KIF26A: variants seen among roughly 807,000 people sequenced by gnomAD.
KIF26A encodes the protein kinesin-like protein KIF26A.
A neutral mutation model predicts 126.0 loss-of-function variants in KIF26A; 74 were observed. That is an observed-to-expected ratio of 0.59 (90% CI 0.49 to 0.71). KIF26A has a LOEUF of 0.71. KIF26A is among the 30% of genes least tolerant of loss of function. The pLI is 0.00. For missense variants in KIF26A, 2,984 were observed against 2,763.3 expected (o/e 1.08, Z -1.79); for synonymous variants, 1,445 against 1,232.7 (o/e 1.17, Z -3.61).
Position 104,175,234 on chromosome 14 carries a change from C to G in KIF26A, c.2446C>G (p.Pro816Ala). The G allele has an allele frequency of 1.2e-6, 2 of 1,609,142 alleles. No individual in the cohort carries two copies. The highest frequency in any genetic ancestry group is 1.7e-6 in the Non-Finnish European group (2 of 1,179,552). ...CAACGAAGGTCCGCCTGACTTCGTG[C>G]CCATCATCCCTGCCCTGAGCCGCCA... ...TDNEGPPDFV[P>A]IIPALSRHRP... Residue 816 changes from proline (P) to alanine (A), a missense_variant, in exon 12 of 15, where the codon CCC becomes GCC. Coordinates refer to ENST00000423312, the MANE Select transcript of KIF26A (RefSeq NM_015656.2).
rs774205504 is a variant in KIF26A, at chr14:104,173,432, G to A, written c.1786G>A (p.Glu596Lys). ...ARSTSRAGCG[E>K]DARRSSHMLF... ...CAGCACCAGCCGAGCGGGCTGTGGC[G>A]AGGACGCCCGACGCAGCTCCCACAT... The change falls in exon 9 of 15, where the codon GAG (glutamate) becomes AAG (lysine). Residue 596 changes from glutamate (E) to lysine (K), a missense_variant. Glu to Lys is a moderately conservative substitution (Grantham distance 56, BLOSUM62 1). Transcript: ENST00000423312. The A allele has an allele frequency of 1.0e-5, 16 of 1,585,306 alleles. No homozygotes were observed. The highest frequency in any genetic ancestry group is 6.7e-5 in the African/African-American group (5 of 74,220).
chr14:104,165,739 A>C (rs1463687218), intron 4 of KIF26A, among the ~76,000 whole-genome samples: 1 of 143,644 alleles, frequency 7.0e-6, no homozygotes, highest in African/African-American at 2.6e-5. Context: ...TTCTGTATGC[A>C]TATGTGTGTC....
rs189310645 is a variant in KIF26A, at chr14:104,144,621, C to T, written c.288+5333C>T. Among the ~76,000 whole-genome samples the T allele has an allele frequency of 1.4e-3, 210 of 152,352 alleles. 1 individual carries two copies. The highest frequency in any genetic ancestry group is 6.8e-3 in the Middle Eastern group (2 of 294). ...AAGTAACAAAGAAAGTCTAGTTCTTCTCTTCCTTTGCCTGCTAGGAAGCTC... is the reference window on the plus strand; with the variant it reads ...AAGTAACAAAGAAAGTCTAGTTCTTTTCTTCCTTTGCCTGCTAGGAAGCTC... On this transcript the variant is annotated intron_variant, in intron 2 of 14. Coordinates refer to ENST00000423312, the MANE Select transcript of KIF26A (RefSeq NM_015656.2).
Position 104,167,060 on chromosome 14 carries a change from C to T in KIF26A, c.1113+12C>T, listed in dbSNP as rs1346937711. 2.0e-6 allele frequency: 3 copies of T among 1,520,272 alleles called. No individual in the cohort carries two copies. The highest frequency in any genetic ancestry group is 2.7e-6 in the Non-Finnish European group (3 of 1,131,620). The allele number at this position is 1,520,272 out of a possible 1,614,324, so 94.2% of individuals were successfully genotyped here. On this transcript the variant is annotated intron_variant, in intron 5 of 14. Transcript: ENST00000423312. ...GCAGCATCGGGAAGGTAGACGCAGC[C>T]CCGAGTTCGGGGCCCTGGGTGGGGA...
intron 2 of KIF26A, among the ~76,000 whole-genome samples, chr14:104,141,383 AG>A (rs1566853070): frequency 6.6e-6 from 1 of 152,224 alleles, no homozygotes; most frequent in East Asian, 1.9e-4. Context: ...AGCTGTTTAC[AG>A]GGAACTTCAC....
At position 104,152,694 on chromosome 14, in the gene KIF26A, C is replaced by A. The variant is rs1044518166; in HGVS notation, c.735+233C>A. ...ACTCAGGGAATACCTTCTCTGGGAG[C>A]ACGTGCCCCTCCCTGTCTGTCTTTT... On this transcript the variant is annotated intron_variant, in intron 3 of 14. Coordinates refer to ENST00000423312, the MANE Select transcript of KIF26A (RefSeq NM_015656.2). This position sits in a 1 kb window ranked among gnomAD's most constrained non-coding sequence, Gnocchi z 5.9. Among the ~76,000 whole-genome samples the A allele has an allele frequency of 1.3e-5, 2 of 152,226 alleles. No homozygotes were observed. Among genetic ancestry groups the A allele is most frequent in the East Asian group, 3.8e-4 (2 of 5,202 alleles).
chr14:104,176,396 C>T lies in KIF26A; in HGVS notation c.3608C>T (p.Ala1203Val). The T allele has an allele frequency of 6.3e-7, 1 of 1,590,298 alleles. No individual in the cohort carries two copies. Among genetic ancestry groups the T allele is most frequent in the Non-Finnish European group, 8.6e-7 (1 of 1,165,570 alleles). The change falls in exon 12 of 15, where the codon GCC becomes GTC. Residue 1203 changes from alanine to valine, a missense_variant. Ala to Val is a moderately conservative substitution (Grantham distance 64). Coordinates refer to ENST00000423312, the MANE Select transcript of KIF26A (RefSeq NM_015656.2). Reference protein sequence around the residue: ...QAGPSRWASAAQTIHSSLPRK... With the variant: ...QAGPSRWASAVQTIHSSLPRK... Reference sequence around the variant, plus strand: ...GGGCCCTCGCGGTGGGCATCCGCAGCCCAGACCATCCACTCCAGCCTCCCC... The same window carrying T: ...GGGCCCTCGCGGTGGGCATCCGCAGTCCAGACCATCCACTCCAGCCTCCCC...
Position 104,171,717 on chromosome 14 carries a change from C to T in KIF26A, c.1114-6C>T. 1.9e-6 allele frequency: 3 copies of T among 1,560,158 alleles called. No individual in the cohort carries two copies. Reference sequence around the variant, plus strand: ...GCTTCTCAGGTGCCGCCCACCTCTGCCCCAGGTGAAGGTTATGCTGCGGAT... The same window carrying T: ...GCTTCTCAGGTGCCGCCCACCTCTGTCCCAGGTGAAGGTTATGCTGCGGAT... On this transcript the variant is annotated splice_polypyrimidine_tract_variant and splice_region_variant and intron_variant, in intron 5 of 14. Coordinates refer to ENST00000423312, the MANE Select transcript of KIF26A (RefSeq NM_015656.2).
Position 104,173,453 on chromosome 14 carries a change from C to A in KIF26A, c.1807C>A (p.His603Asn). Residue 603 changes from histidine (H) to asparagine (N), a missense_variant, in exon 9 of 15, where the codon CAC (histidine) becomes AAC (asparagine). Physicochemically the swap from His to Asn is moderately conservative, Grantham distance 68. Coordinates refer to ENST00000423312, the MANE Select transcript of KIF26A (RefSeq NM_015656.2). Reference protein sequence around the residue: ...GCGEDARRSSHMLFTLHVYQY... With the variant: ...GCGEDARRSSNMLFTLHVYQY... ...TGGCGAGGACGCCCGACGCAGCTCCCACATGTTGTTCACGCTGCACGTCTA... is the reference window on the plus strand; with the variant it reads ...TGGCGAGGACGCCCGACGCAGCTCCAACATGTTGTTCACGCTGCACGTCTA... 1 of 1,589,466 alleles carries A rather than the reference C, an allele frequency of 6.3e-7. No individual in the cohort carries two copies. The highest frequency in any genetic ancestry group is 2.3e-5 in the East Asian group (1 of 43,686).
In KIF26A at chr14:104,177,365, GC is replaced by G; in HGVS notation, c.4580del (p.Pro1527LeufsTer70). 1 of 1,484,120 alleles carries G rather than the reference GC, an allele frequency of 6.7e-7. No individual in the cohort carries two copies. 91.9% of individuals were successfully genotyped at this position (1,484,120 alleles called of 1,614,324 possible). A position where few individuals can be genotyped will look rare whatever the true frequency, so the allele number is the denominator to read the frequency against. On this transcript the variant is annotated frameshift_variant, in exon 12 of 15. Transcript: ENST00000423312. LOFTEE classifies it high-confidence loss of function. ...TCTACGGCCTCTGTGACGGGCAGGA[GC>G]CCTGGCGGCCCTGTGGCCGGTCCCA... is the stretch of plus-strand genomic sequence containing the variant. Reference protein sequence around the residue: ...KLSTASVTGRSPGGPVAGPRA... With the variant: ...KLSTASVTGRXPGGPVAGPRA...
chr14:104,139,824 C>A (rs1159439093), intron 2 of KIF26A, among the ~76,000 whole-genome samples: 1 of 152,232 alleles, frequency 6.6e-6, no homozygotes, highest in Non-Finnish European at 1.5e-5. Flanking sequence ...CCCATACCTC[C>A]TGGGATAGAC....
At position 104,141,120 on chromosome 14, in the gene KIF26A, C is replaced by T. The variant is rs559940867; in HGVS notation, c.288+1832C>T. On this transcript the variant is annotated intron_variant, in intron 2 of 14. Coordinates refer to ENST00000423312, the MANE Select transcript of KIF26A (RefSeq NM_015656.2). The stretch of plus-strand genomic sequence containing the variant: ...CCCAGAGTCCCAGCAAAATTGCAGC[C>T]TGCAGCCCTGGCCTGGCCCGCTGGG... Among the ~76,000 whole-genome samples the T allele has an allele frequency of 2.6e-5, 4 of 152,362 alleles. No individual in the cohort carries two copies. In the South Asian group the frequency reaches 8.3e-4, roughly 32 times the overall value.
intron 2 of KIF26A, among the ~76,000 whole-genome samples, chr14:104,146,202 G>A (rs568600104): frequency 1.3e-5 from 2 of 152,332 alleles, no homozygotes; most frequent in Admixed American, 6.5e-5. Flanking sequence ...TTGGGGGTGG[G>A]TGGCCCCTAG....
At chr14:104,169,218 G>T (rs1363183423) in intron 5 of KIF26A, among the ~76,000 whole-genome samples, 1 of 152,234 alleles carries the variant, frequency 6.6e-6, no homozygotes, top group African/African-American at 2.4e-5. Flanking sequence ...GTGGGCGGTG[G>T]TGGGCAGGCA....
At chr14:104,143,955 G>A (rs1324163847) in intron 2 of KIF26A, among the ~76,000 whole-genome samples, 1 of 152,238 alleles carries the variant, frequency 6.6e-6, no homozygotes, top group African/African-American at 2.4e-5. Flanking sequence ...GGCTCTGCTC[G>A]GGAGGCCGTG....
chr14:104,175,272 G>A lies in KIF26A; in HGVS notation c.2484G>A (p.Lys828=). ...IPALSRHRPS[K]GPRDADHFRC... ...CCCTGAGCCGCCACCGGCCCTCCAAGGGTCCCCGAGACGCAGACCACTTCC... is the reference window on the plus strand; with the variant it reads ...CCCTGAGCCGCCACCGGCCCTCCAAAGGTCCCCGAGACGCAGACCACTTCC... Residue 828 remains lysine (K), a synonymous_variant, in exon 12 of 15, where the codon AAG becomes AAA. Coordinates refer to ENST00000423312, the MANE Select transcript of KIF26A (RefSeq NM_015656.2). The A allele has an allele frequency of 6.2e-7, 1 of 1,606,298 alleles. No individual in the cohort carries two copies.
rs963700172 is a variant in KIF26A, at chr14:104,180,818, G to A, written c.*1028G>A. ...CTGAGGATCGTGCATAGCATAGGACGTCTGAACCTTTGTACAAATGTGTAG... is the reference window on the plus strand; with the variant it reads ...CTGAGGATCGTGCATAGCATAGGACATCTGAACCTTTGTACAAATGTGTAG... On this transcript the variant is annotated 3_prime_UTR_variant, in exon 15 of 15. Transcript: ENST00000423312. 2 of 154,216 alleles carry A rather than the reference G, an allele frequency of 1.3e-5. No individual in the cohort carries two copies. Among genetic ancestry groups the A allele is most frequent in the African/African-American group, 4.8e-5 (2 of 41,520 alleles). The allele number at this position is 154,216 out of a possible 1,614,324, so 9.6% of individuals were successfully genotyped here.
Position 104,173,687 on chromosome 14 carries a change from G to T in KIF26A, c.1868-19G>T. On this transcript the variant is annotated intron_variant, in intron 9 of 14. Transcript: ENST00000423312. ...GGGGCCCCTGGCTACACCATCATTTGCTTGCCTTGTGGTTCCAGTGTCCGG... is the reference window on the plus strand; with the variant it reads ...GGGGCCCCTGGCTACACCATCATTTTCTTGCCTTGTGGTTCCAGTGTCCGG... The T allele has an allele frequency of 1.9e-6, 3 of 1,609,594 alleles. No individual in the cohort carries two copies. The highest frequency in any genetic ancestry group is 2.5e-6 in the Non-Finnish European group (3 of 1,179,050).
intron 5 of KIF26A, among the ~76,000 whole-genome samples, chr14:104,170,632 G>C (rs777268384): frequency 8.1e-4 from 124 of 152,378 alleles, no homozygotes; most frequent in Non-Finnish European, 1.6e-3. Flanking sequence ...GCAGGAAATG[G>C]GGCCTGTCTC....
Sources: allele counts gnomAD v4.1 joint callset (sites outside exome capture counted in the v4.1 genomes callset), GRCh38; gene constraint gnomAD v4.1.1; non-coding constraint Gnocchi (gnomAD v3.1); transcripts MANE v1.5; gene names NCBI Gene and HGNC (gene_info 2026-07-23, HGNC 2026-07-21).